Variants in ANKRD6 observed in about 807,000 individuals in gnomAD.
ANKRD6 encodes the protein ankyrin repeat domain 6.
A neutral mutation model predicts 82.3 loss-of-function variants in ANKRD6; 56 were observed. The ratio of observed to expected loss-of-function variants is 0.68; its 90% CI spans 0.55 to 0.85. ANKRD6 has a LOEUF of 0.85. Among genes scored for constraint, ANKRD6 ranks in the 40% least tolerant of loss-of-function variants. ANKRD6 has a pLI of 0.00. For missense variants in ANKRD6, 852 were observed against 907.6 expected (o/e 0.94, Z 0.79); for synonymous variants, 347 against 352.1 (o/e 0.99, Z 0.16).
At chr6:89,602,005 AG>A (rs1797292130) in intron 3 of ANKRD6, 1 of 152,160 alleles carries the variant, frequency 6.6e-6, no homozygotes. Flanking sequence ...GAATCCAAGA[AG>A]GCAATGGAGG....
chr6:89,567,153 C>T, intron 2 of ANKRD6, 57 bp downstream of exon 2: 5 of 1,540,404 alleles, frequency 3.2e-6, no homozygotes, highest in Admixed American at 2.0e-5. Context: ...ACCTCTTAAC[C>T]ATTGTCTGAA....
At chr6:89,541,185 G>T (rs1221724888) in intron 1 of ANKRD6, among the ~76,000 whole-genome samples, 1 of 151,790 alleles carries the variant, frequency 6.6e-6, no homozygotes, top group Non-Finnish European at 1.5e-5. Context: ...ATTTTGATAA[G>T]GATTACACTG....
chr6:89,627,725 C>A (rs946830817), intron 14 of ANKRD6, 29 bp downstream of exon 14: 2 of 1,605,440 alleles, frequency 1.2e-6, no homozygotes, highest in Admixed American at 3.4e-5. Context: ...TAGTCCTTAA[C>A]TTATGATTTA....
chr6:89,593,279 A>T lies in ANKRD6; in HGVS notation c.121-2637A>T, dbSNP rs538679314. Among the ~76,000 whole-genome samples the T allele has an allele frequency of 1.1e-4, 17 of 152,328 alleles. 1 individual carries two copies. Among genetic ancestry groups the T allele is most frequent in the Admixed American group, 1.1e-3 (17 of 15,308 alleles). On this transcript the variant is annotated intron_variant, in intron 2 of 15. Transcript: ENST00000339746. Reference sequence around the variant, plus strand: ...TGTCTTAGGAAACTTTGTGAAGGGCACATACTCAATGTCAAGAAGTCCTTG... The same window carrying T: ...TGTCTTAGGAAACTTTGTGAAGGGCTCATACTCAATGTCAAGAAGTCCTTG...
intron 1 of ANKRD6, among the ~76,000 whole-genome samples, chr6:89,526,195 C>T (rs537738022): frequency 1.3e-5 from 2 of 152,294 alleles, no homozygotes; most frequent in East Asian, 3.9e-4. Context: ...TTGTGAGGTA[C>T]CAATTATGTG....
At chr6:89,597,377 G>A (rs924902977) in intron 3 of ANKRD6, among the ~76,000 whole-genome samples, 9 of 152,200 alleles carry the variant, frequency 5.9e-5, no homozygotes, top group Non-Finnish European at 1.3e-4. Context: ...CACAGAAAAG[G>A]TGGGGAATTG....
intron 1 of ANKRD6, among the ~76,000 whole-genome samples, chr6:89,457,541 T>C (rs1773633548): frequency 6.6e-6 from 1 of 152,210 alleles, no homozygotes; most frequent in South Asian, 2.1e-4. Context: ...GCTTAATCTC[T>C]CTATCTGACT....
Position 89,544,448 on chromosome 6 carries a change from G to T in ANKRD6, c.-143-22386G>T, listed in dbSNP as rs901102580. ...CAGTGAGTCCTGTCCGGGCACAGTGGCTCACGCCTGTAATCCCAGCACTTT... is the reference window on the plus strand; with the variant it reads ...CAGTGAGTCCTGTCCGGGCACAGTGTCTCACGCCTGTAATCCCAGCACTTT... On this transcript the variant is annotated intron_variant, in intron 1 of 15. Transcript: ENST00000339746. Among the ~76,000 whole-genome samples the T allele has an allele frequency of 3.3e-5, 5 of 152,212 alleles. No homozygotes were observed. In the East Asian group the frequency reaches 9.6e-4, roughly 29 times the overall value.
At chr6:89,596,176 A>G (rs1795848258) in intron 3 of ANKRD6, among the ~76,000 whole-genome samples, 162 bp downstream of exon 3, 2 of 152,126 alleles carry the variant, frequency 1.3e-5, no homozygotes. Context: ...CCTCTGGAAG[A>G]CCTGCTCTGA....
At chr6:89,622,544 C>A (rs1803846702) in intron 10 of ANKRD6, among the ~76,000 whole-genome samples, 1 of 152,208 alleles carries the variant, frequency 6.6e-6, no homozygotes, top group African/African-American at 2.4e-5. Flanking sequence ...CAGGCCACTT[C>A]CATTGAGGGA....
chr6:89,563,636 G>A (rs145160902), intron 1 of ANKRD6, among the ~76,000 whole-genome samples: 10 of 152,332 alleles, frequency 6.6e-5, no homozygotes, highest in African/African-American at 2.4e-4. Flanking sequence ...TTAACTCTTT[G>A]ATTCAAGACT....
At chr6:89,565,657 TCCTTAATCTTTAGAGACTGAAAGG>T (rs1698470080) in intron 1 of ANKRD6, among the ~76,000 whole-genome samples, 2 of 152,172 alleles carry the variant, frequency 1.3e-5, no homozygotes, top group African/African-American at 4.8e-5. Flanking sequence ...CATGGCCAAT[TCCTTAATCTTTAGAGACTGAAAGG>T]ACATTTGGGT....
chr6:89,492,123 C>T (rs1038164544), intron 1 of ANKRD6, among the ~76,000 whole-genome samples: 1 of 152,208 alleles, frequency 6.6e-6, no homozygotes, highest in African/African-American at 2.4e-5. Context: ...TATGGGGCCT[C>T]AGCCATGAAC....
At chr6:89,480,220 G>A (rs1776627315) in intron 1 of ANKRD6, among the ~76,000 whole-genome samples, 1 of 152,154 alleles carries the variant, frequency 6.6e-6, no homozygotes, top group Admixed American at 6.5e-5. Context: ...CCTTCCAAGT[G>A]AGCTATTTCT....
chr6:89,455,870 TTC>T (rs893523959), intron 1 of ANKRD6, among the ~76,000 whole-genome samples: 1 of 151,986 alleles, frequency 6.6e-6, no homozygotes, highest in Non-Finnish European at 1.5e-5. Flanking sequence ...GGTATTTCTT[TTC>T]TCTCTCTCTC....
intron 1 of ANKRD6, among the ~76,000 whole-genome samples, chr6:89,544,278 C>T (rs1449130463): frequency 6.6e-6 from 1 of 152,216 alleles, no homozygotes; most frequent in Non-Finnish European, 1.5e-5. Flanking sequence ...TCCCAATGTC[C>T]GCAGACCAGC....
intron 1 of ANKRD6, among the ~76,000 whole-genome samples, chr6:89,512,914 T>TTTC (rs1562685955): frequency 6.6e-6 from 1 of 152,008 alleles, no homozygotes; most frequent in African/African-American, 2.4e-5. Context: ...TTTTTCCTTT[T>TTTC]TTTCTTTCTT....
chr6:89,469,817 G>A (rs980489166), intron 1 of ANKRD6, among the ~76,000 whole-genome samples: 12 of 152,140 alleles, frequency 7.9e-5, no homozygotes. Context: ...CAAACTGCAT[G>A]GCCTACAGCC....
At chr6:89,610,803 TAA>T (rs56775209) in intron 5 of ANKRD6, among the ~76,000 whole-genome samples, 4 of 143,740 alleles carry the variant, frequency 2.8e-5, no homozygotes, top group Admixed American at 1.4e-4. Context: ...AAACAAAACT[TAA>T]AAAAAAAAAA....
Sources: gnomAD v4.1 joint callset for allele counts (sites outside exome capture counted in the v4.1 genomes callset) on GRCh38, gnomAD v4.1.1 for gene constraint, MANE v1.5 for transcripts, NCBI Gene and HGNC (gene_info 2026-07-23, HGNC 2026-07-21) for gene names.